The following SYNE1 variants were observed in gnomAD, a reference collection of about 807,000 sequenced individuals.
SYNE1 encodes the protein nesprin-1.
A neutral mutation model predicts 1,111.0 loss-of-function variants in SYNE1; 616 were observed. The observed-to-expected ratio is 0.55, with a 90% CI of 0.52 to 0.59. SYNE1 has a LOEUF of 0.59. SYNE1 is among the 20% of genes least tolerant of loss of function. SYNE1 has a pLI of 0.00. For missense variants in SYNE1, 10,006 were observed against 10,417.0 expected (o/e 0.96, Z 1.72); for synonymous variants, 3,855 against 3,825.8 (o/e 1.01, Z -0.28).
intron 113 of SYNE1, among the ~76,000 whole-genome samples, chr6:152,231,842 TTATA>T (rs1486334482): frequency 6.6e-6 from 1 of 151,976 alleles, no homozygotes; most frequent in African/African-American, 2.4e-5. Flanking sequence ...ACTAGATAAA[TTATA>T]TAACCTCACT....
Position 152,400,387 on chromosome 6 carries a change from G to A in SYNE1, c.7030-564C>T, listed in dbSNP as rs556153074. ...GGATAGGAAACATGAAAATGGGCCA[G>A]GTGTGGTGGCTCACACCTGTAATCC... On this transcript the variant is annotated intron_variant, in intron 47 of 145. Transcript: ENST00000367255. Among the ~76,000 whole-genome samples the A allele has an allele frequency of 1.3e-3, 197 of 152,272 alleles. 1 individual carries two copies. Among genetic ancestry groups the A allele is most frequent in the Non-Finnish European group, 2.1e-3 (146 of 68,014 alleles).
intron 42 of SYNE1, among the ~76,000 whole-genome samples, chr6:152,411,726 C>T (rs934585138): frequency 1.3e-4 from 14 of 105,876 alleles, no homozygotes; most frequent in Admixed American, 1.2e-3. Context: ...CACACACACA[C>T]ACCCCCACAC....
intron 104 of SYNE1, among the ~76,000 whole-genome samples, chr6:152,251,286 A>C (rs1430015954): frequency 1.3e-5 from 2 of 151,732 alleles, no homozygotes; most frequent in Non-Finnish European, 2.9e-5. Flanking sequence ...TTTCTCTCTT[A>C]ACTATGTTCT....
At chr6:152,314,342 G>A (rs1213167145) in intron 87 of SYNE1, among the ~76,000 whole-genome samples, 1 of 152,126 alleles carries the variant, frequency 6.6e-6, no homozygotes, top group Non-Finnish European at 1.5e-5. Context: ...CACATTTACT[G>A]CTAGGATTTC....
rs770461993 is a variant in SYNE1, at chr6:152,391,294, G to A, written c.7987C>T (p.Arg2663Trp). Residue 2663 changes from arginine (R) to tryptophan (W), a missense_variant, in exon 52 of 146, where the codon CGG becomes TGG. This residue lies in a region of SYNE1 where 4,955 missense variants were observed against 5,017.2 expected (regional missense o/e 0.99). Coordinates refer to ENST00000367255, the MANE Select transcript of SYNE1 (RefSeq NM_182961.4). ...TLGSKDTLEK[R>W]LSQIQDILLM... ...GCATGTACCTGTATTTGTGACAGCC[G>A]TTTCTCCAGGGTGTCTTTGCTCCCA... is the stretch of plus-strand genomic sequence containing the variant. 27 of 1,613,864 alleles carry A rather than the reference G, an allele frequency of 1.7e-5. No homozygotes were observed. Among genetic ancestry groups the A allele is most frequent in the South Asian group, 8.8e-5 (8 of 91,088 alleles).
At chr6:152,210,169 G>T (rs949007199) in intron 124 of SYNE1, among the ~76,000 whole-genome samples, 1 of 152,126 alleles carries the variant, frequency 6.6e-6, no homozygotes, top group African/African-American at 2.4e-5. Context: ...ATTGTCAGTA[G>T]GCTCTAATCT....
At chr6:152,132,554 G>T (rs751997305) in intron 143 of SYNE1, among the ~76,000 whole-genome samples, 4 of 152,246 alleles carry the variant, frequency 2.6e-5, no homozygotes, top group Non-Finnish European at 5.9e-5. Flanking sequence ...TGTAGAGCCT[G>T]CTGGTCACTC....
At chr6:152,459,692 C>T (rs1212380106) in intron 21 of SYNE1, among the ~76,000 whole-genome samples, 1 of 152,172 alleles carries the variant, frequency 6.6e-6, no homozygotes, top group Non-Finnish European at 1.5e-5. Flanking sequence ...CTTCATCCTC[C>T]AAGAACTTCC....
At chr6:152,509,170 A>C (rs2099072487) in intron 8 of SYNE1, among the ~76,000 whole-genome samples, 1 of 152,028 alleles carries the variant, frequency 6.6e-6, no homozygotes, top group South Asian at 2.1e-4. Flanking sequence ...CAAAATACTT[A>C]TATAATCAAC....
intron 145 of SYNE1, among the ~76,000 whole-genome samples, chr6:152,124,928 G>A (rs1165653608): frequency 2.0e-5 from 3 of 152,110 alleles, no homozygotes; most frequent in Non-Finnish European, 4.4e-5. Context: ...CATTTATGTT[G>A]GGTTCTGTCA....
intron 124 of SYNE1, among the ~76,000 whole-genome samples, chr6:152,210,064 T>C (rs960665736): frequency 6.6e-6 from 1 of 152,226 alleles, no homozygotes; most frequent in Non-Finnish European, 1.5e-5. Context: ...ACTTAAAACA[T>C]GACACTGTTC....
At chr6:152,551,453 G>C (rs2099346314) in intron 3 of SYNE1, among the ~76,000 whole-genome samples, 1 of 152,088 alleles carries the variant, frequency 6.6e-6, no homozygotes, top group Non-Finnish European at 1.5e-5. Context: ...GAATTCCACT[G>C]TGCCCCTCAC....
At chr6:152,338,314 T>C (rs9478317) in intron 75 of SYNE1, among the ~76,000 whole-genome samples, 102,391 of 152,050 alleles carry the variant, frequency 0.67, 35,180 homozygotes, top group African/African-American at 0.82. Context: ...AAACTAAGTC[T>C]TATTTTTCTT....
chr6:152,541,173 T>C (rs572694758), intron 3 of SYNE1, among the ~76,000 whole-genome samples: 1 of 152,186 alleles, frequency 6.6e-6, no homozygotes, highest in Admixed American at 6.5e-5. Flanking sequence ...ATGATGTTGG[T>C]AGTTTGACAG....
chr6:152,265,678 C>A (rs2092631238), intron 100 of SYNE1, among the ~76,000 whole-genome samples: 1 of 152,144 alleles, frequency 6.6e-6, no homozygotes, highest in Non-Finnish European at 1.5e-5. Flanking sequence ...CCTTTTAAAA[C>A]ATAGCCTTTT....
At chr6:152,289,202 A>T (rs1000390095) in intron 95 of SYNE1, among the ~76,000 whole-genome samples, 1 of 152,182 alleles carries the variant, frequency 6.6e-6, no homozygotes, top group Non-Finnish European at 1.5e-5. Flanking sequence ...ACAATATATG[A>T]TTCAAGATAA....
At chr6:152,385,414 G>A (rs1229754318) in intron 55 of SYNE1, among the ~76,000 whole-genome samples, 2 of 152,158 alleles carry the variant, frequency 1.3e-5, no homozygotes, top group African/African-American at 4.8e-5. Flanking sequence ...CACCAAATTA[G>A]CCATTTCCTA....
chr6:152,498,577 A>G (rs951258504), intron 11 of SYNE1, among the ~76,000 whole-genome samples, 165 bp downstream of exon 11: 2 of 152,174 alleles, frequency 1.3e-5, no homozygotes, highest in African/African-American at 2.4e-5. Flanking sequence ...TTGGTAACAC[A>G]TATGTATGTT....
At chr6:152,528,768 C>T (rs762821256) in intron 4 of SYNE1, among the ~76,000 whole-genome samples, 3 of 152,142 alleles carry the variant, frequency 2.0e-5, no homozygotes, top group Non-Finnish European at 2.9e-5. Flanking sequence ...TTCTTAAATT[C>T]ACTTTTAGAA....
Sources: gnomAD v4.1 joint callset for allele counts (sites outside exome capture counted in the v4.1 genomes callset) on GRCh38, gnomAD v4.1.1 for gene constraint, gnomAD v4.1.1 regional missense constraint, MANE v1.5 for transcripts, NCBI Gene and HGNC (gene_info 2026-07-23, HGNC 2026-07-21) for gene names.